Variants in CHN2 observed in about 807,000 individuals in gnomAD.
CHN2 encodes the protein chimerin 2.
A neutral mutation model predicts 56.3 loss-of-function variants in CHN2; 35 were observed. The ratio of observed to expected loss-of-function variants is 0.62; its 90% CI spans 0.47 to 0.82. The LOEUF (loss-of-function observed/expected upper bound fraction) is 0.82, where lower values mean the gene tolerates loss of function less well. CHN2 is among the 40% of genes least tolerant of loss of function. The pLI, the probability that CHN2 is intolerant of heterozygous loss-of-function variation, is 0.00. For missense variants in CHN2, 491 were observed against 580.5 expected (o/e 0.85, Z 1.58); for synonymous variants, 210 against 212.8 (o/e 0.99, Z 0.12).
intron 6 of CHN2, among the ~76,000 whole-genome samples, chr7:29,405,183 A>ACACACACACG (rs1802541588): frequency 1.2e-5 from 1 of 84,116 alleles, no homozygotes; most frequent in Non-Finnish European, 2.3e-5. Context: ...ACACACACAC[A>ACACACACACG]CACACACACA....
At chr7:29,489,726 T>A (rs1788438791) in intron 7 of CHN2, among the ~76,000 whole-genome samples, 1 of 152,230 alleles carries the variant, frequency 6.6e-6, no homozygotes, top group Non-Finnish European at 1.5e-5. Flanking sequence ...GGGTGCTACT[T>A]GCTCTTCGAG....
intron 6 of CHN2, among the ~76,000 whole-genome samples, chr7:29,449,132 AG>A (rs552104498): frequency 1.4e-3 from 206 of 152,346 alleles, no homozygotes; most frequent in African/African-American, 4.7e-3. Context: ...AGTTAAACTT[AG>A]CAGAATAAAC....
At chr7:29,437,534 C>G (rs1236968993) in intron 6 of CHN2, among the ~76,000 whole-genome samples, 1 of 84,732 alleles carries the variant, frequency 1.2e-5, no homozygotes, top group South Asian at 3.1e-4. Context: ...GGAGGCGGAG[C>G]TTGCAGTGAG....
intron 2 of CHN2, among the ~76,000 whole-genome samples, chr7:29,175,741 A>C (rs1797232426): frequency 6.6e-6 from 1 of 152,186 alleles, no homozygotes; most frequent in Non-Finnish European, 1.5e-5. Flanking sequence ...ACCCAAGCGG[A>C]GCACAGGGAA....
intron 12 of CHN2, 37 bp from the exon 13 acceptor site, chr7:29,512,527 C>T (rs779737598): frequency 6.4e-7 from 1 of 1,552,948 alleles, no homozygotes; most frequent in East Asian, 2.3e-5. Context: ...ATCCTCAAGT[C>T]TCCATAATGT....
chr7:29,230,697 C>T (rs983131002), intron 1 of CHN2, among the ~76,000 whole-genome samples: 1 of 152,202 alleles, frequency 6.6e-6, no homozygotes, highest in Non-Finnish European at 1.5e-5. Context: ...ATTTCAGCTG[C>T]TCAATGAAAG....
At chr7:29,448,910 G>T (rs1246589552) in intron 6 of CHN2, among the ~76,000 whole-genome samples, 1 of 152,134 alleles carries the variant, frequency 6.6e-6, no homozygotes, top group Non-Finnish European at 1.5e-5. Flanking sequence ...AACCAGTCCT[G>T]GCATCCAGTA....
At chr7:29,201,043 A>G (rs747787147) in intron 1 of CHN2, among the ~76,000 whole-genome samples, 12 of 152,166 alleles carry the variant, frequency 7.9e-5, no homozygotes, top group Non-Finnish European at 7.3e-5. Flanking sequence ...TATAGTTTGG[A>G]CTAATTTTAG....
At chr7:29,238,805 A>G (rs1294378559) in intron 1 of CHN2, among the ~76,000 whole-genome samples, 2 of 152,216 alleles carry the variant, frequency 1.3e-5, no homozygotes, top group East Asian at 3.9e-4. Flanking sequence ...AGGTAGGGGA[A>G]GAGCCAGGAC....
chr7:29,312,333 C>G (rs1008144132), intron 1 of CHN2, among the ~76,000 whole-genome samples: 9 of 152,132 alleles, frequency 5.9e-5, no homozygotes, highest in African/African-American at 2.2e-4. Context: ...TCTTAATTTC[C>G]GTTCCCCTGA....
chr7:29,163,378 C>T (rs1032320157), intron 2 of CHN2, among the ~76,000 whole-genome samples: 46 of 152,030 alleles, frequency 3.0e-4, no homozygotes, highest in African/African-American at 9.9e-4. Context: ...TATTTTCAAC[C>T]TTAAAAATGT....
intron 1 of CHN2, among the ~76,000 whole-genome samples, chr7:29,348,761 TA>T (rs951918305): frequency 1.4e-4 from 22 of 152,072 alleles, no homozygotes; most frequent in African/African-American, 5.1e-4. Context: ...AGTGTACTTT[TA>T]AAAAAAACTA....
chr7:29,458,623 A>C (rs1784939757), intron 6 of CHN2, among the ~76,000 whole-genome samples: 1 of 152,194 alleles, frequency 6.6e-6, no homozygotes, highest in Non-Finnish European at 1.5e-5. Flanking sequence ...TCACTTTAGA[A>C]GTGAGGAAAG....
At chr7:29,387,200 T>G (rs1384367786) in intron 3 of CHN2, among the ~76,000 whole-genome samples, 1 of 135,454 alleles carries the variant, frequency 7.4e-6, no homozygotes, top group African/African-American at 2.9e-5. Context: ...TGAGAACCTA[T>G]TGCCACGATG....
At chr7:29,368,109 C>A in intron 3 of CHN2, 122 bp downstream of exon 3, 1 of 692,642 alleles carries the variant, frequency 1.4e-6, no homozygotes, top group South Asian at 4.6e-5. Context: ...GTTGGAGTGT[C>A]AAAAAATTTA....
chr7:29,311,565 A>G (rs1794606330), intron 1 of CHN2, among the ~76,000 whole-genome samples: 1 of 152,248 alleles, frequency 6.6e-6, no homozygotes, highest in Admixed American at 6.5e-5. Flanking sequence ...ATAGGGACTA[A>G]TAAGATTCAG....
Position 29,463,988 on chromosome 7 carries a change from T to C in CHN2, c.577-16291T>C, listed in dbSNP as rs7793912. Among the ~76,000 whole-genome samples the C allele has an allele frequency of 8.2e-3, 1,253 of 152,250 alleles. 22 individuals are homozygous for C. Among genetic ancestry groups the C allele is most frequent in the African/African-American group, 0.029 (1,184 of 41,534 alleles). On this transcript the variant is annotated intron_variant, in intron 6 of 12. Coordinates refer to ENST00000222792, the MANE Select transcript of CHN2 (RefSeq NM_004067.4). ...CACTGGCCCTGAATGACTCACCTCA[T>C]AGAAGAAAAAGGATACATAACAACC...
chr7:29,328,606 G>GA (rs1220943367), intron 1 of CHN2, among the ~76,000 whole-genome samples: 4 of 150,476 alleles, frequency 2.7e-5, no homozygotes, highest in Non-Finnish European at 5.9e-5. Context: ...TACTAGGCAG[G>GA]AAAAAAACCT....
At chr7:29,240,819 G>A (rs866724023) in intron 1 of CHN2, among the ~76,000 whole-genome samples, 2 of 146,924 alleles carry the variant, frequency 1.4e-5, no homozygotes, top group African/African-American at 5.3e-5. Flanking sequence ...CTTCTTCTTC[G>A]TCGTCGTCGT....
Sources: gnomAD v4.1 joint callset for allele counts (sites outside exome capture counted in the v4.1 genomes callset) on GRCh38, gnomAD v4.1.1 for gene constraint, MANE v1.5 for transcripts, NCBI Gene and HGNC (gene_info 2026-07-23, HGNC 2026-07-21) for gene names.